CACNA1C: variants seen among roughly 807,000 people sequenced by gnomAD.
CACNA1C encodes the protein voltage-dependent L-type calcium channel subunit alpha-1C.
CACNA1C carries 30 observed loss-of-function variants against 229.0 expected under a neutral mutation model. The ratio of observed to expected loss-of-function variants is 0.13; its 90% CI spans 0.10 to 0.18. CACNA1C has a LOEUF of 0.18. CACNA1C is among the 10% of genes least tolerant of loss of function. The probability of loss-of-function intolerance (pLI) is 1.00; values close to 1 mark genes in which losing one functional copy is unlikely to be tolerated. For synonymous variants in CACNA1C, 1,114 were observed against 1,132.5 expected, an observed-to-expected ratio of 0.98 and a Z score of 0.33; for missense variants, 1,658 against 2,845.0, an observed-to-expected ratio of 0.58 and a Z score of 9.49.
intron 3 of CACNA1C, among the ~76,000 whole-genome samples, chr12:2,307,903 T>C (rs1392372027): frequency 1.3e-5 from 2 of 152,196 alleles, no homozygotes; most frequent in Non-Finnish European, 1.5e-5. Flanking sequence ...CTACTCTTCA[T>C]GGACTTATTT....
At chr12:2,482,698 A>T (rs1291733307) in intron 5 of CACNA1C, among the ~76,000 whole-genome samples, 1 of 152,148 alleles carries the variant, frequency 6.6e-6, no homozygotes, top group Non-Finnish European at 1.5e-5. Context: ...ACCTCTGAGG[A>T]TGGGGAATCA....
intron 3 of CACNA1C, among the ~76,000 whole-genome samples, chr12:2,183,246 C>CA (rs74801864): frequency 6.5e-4 from 95 of 146,276 alleles, no homozygotes; most frequent in South Asian, 1.5e-3. Context: ...ATTCCTGGCT[C>CA]AAAAAAAAAA....
chr12:2,213,833 A>G (rs2059296275), intron 3 of CACNA1C, among the ~76,000 whole-genome samples: 1 of 152,220 alleles, frequency 6.6e-6, no homozygotes, highest in South Asian at 2.1e-4. Context: ...CTGCTCTCGC[A>G]CTGCCCCTCC....
chr12:1,979,527 G>A (rs112374329), intron 1 of CACNA1C, among the ~76,000 whole-genome samples: 4,151 of 152,178 alleles, frequency 0.027, 95 homozygotes, highest in Middle Eastern at 0.061. Flanking sequence ...GGCCAGGCTC[G>A]TCTCGAACTC....
upstream of CACNA1C, chr12:2,049,496 T>C (rs757960101): frequency 6.6e-6 from 1 of 152,192 alleles, no homozygotes; most frequent in Non-Finnish European, 1.5e-5. Context: ...CCAAAGAAAA[T>C]ATCTGTGGTC....
At chr12:2,510,294 C>A (rs1437379434) in intron 8 of CACNA1C, among the ~76,000 whole-genome samples, 1 of 152,168 alleles carries the variant, frequency 6.6e-6, no homozygotes, top group African/African-American at 2.4e-5. Flanking sequence ...GCACTGCCAC[C>A]AGCAGATCCT....
At chr12:2,191,381 G>T (rs1434710631) in intron 3 of CACNA1C, among the ~76,000 whole-genome samples, 1 of 152,092 alleles carries the variant, frequency 6.6e-6, no homozygotes. Context: ...CCAGCGTACC[G>T]GCATCACCTG....
chr12:2,117,292 T>A (rs1468894077), intron 2 of CACNA1C, among the ~76,000 whole-genome samples: 2 of 149,668 alleles, frequency 1.3e-5, no homozygotes, highest in South Asian at 2.1e-4. Context: ...TAAATAAATA[T>A]AAATGTTTGA....
At chr12:2,471,831 C>A (rs905340731) in intron 5 of CACNA1C, among the ~76,000 whole-genome samples, 1 of 152,148 alleles carries the variant, frequency 6.6e-6, no homozygotes, top group Non-Finnish European at 1.5e-5. Flanking sequence ...CAGGCACCTG[C>A]TACCACACCT....
chr12:2,393,731 A>G (rs2098526439), intron 3 of CACNA1C, among the ~76,000 whole-genome samples: 1 of 152,180 alleles, frequency 6.6e-6, no homozygotes, highest in Non-Finnish European at 1.5e-5. Context: ...TTTTCTTACT[A>G]AGAAGGTTAT....
chr12:2,172,750 G>T (rs1028258097), intron 3 of CACNA1C, among the ~76,000 whole-genome samples: 1 of 152,114 alleles, frequency 6.6e-6, no homozygotes, highest in South Asian at 2.1e-4. Context: ...AGGAGATGAG[G>T]CACAAATAAG....
intron 7 of CACNA1C, among the ~76,000 whole-genome samples, chr12:2,497,936 T>C (rs182414119): frequency 7.3e-5 from 11 of 150,196 alleles, no homozygotes; most frequent in African/African-American, 2.7e-4. Context: ...CCACTATGTG[T>C]CTGGATGTGC....
chr12:2,023,937 G>A (rs1021144706), intron 1 of CACNA1C, among the ~76,000 whole-genome samples: 57 of 152,130 alleles, frequency 3.7e-4, no homozygotes, highest in Non-Finnish European at 3.4e-4. Flanking sequence ...GCACTGCACC[G>A]GGAGTCAGGA....
rs983526863 is a variant in CACNA1C at position 2,181,095 on chromosome 12, G to A, written c.477+60665G>A. On this transcript the variant is annotated intron_variant, in intron 3 of 46. Transcript: ENST00000399655. This position sits in a 1 kb window ranked among gnomAD's most constrained non-coding sequence, Gnocchi z 4.0. ...CAGACTCAAATGTTTTCTTCTGGGG[G>A]GTTACAGTCTGGGGAAGACCCCTGT... Among the ~76,000 whole-genome samples, 2 of 152,132 alleles carry A rather than the reference G, an allele frequency of 1.3e-5. No individual in the cohort carries two copies. The highest frequency in any genetic ancestry group is 1.3e-4 in the Admixed American group (2 of 15,276).
intron 1 of CACNA1C, among the ~76,000 whole-genome samples, chr12:2,058,114 A>G (rs1350146838): frequency 1.3e-5 from 2 of 152,220 alleles, no homozygotes; most frequent in African/African-American, 2.4e-5. Flanking sequence ...TTTCTTTTCT[A>G]TTCCTTTCTT....
intron 1 of CACNA1C, among the ~76,000 whole-genome samples, chr12:2,097,703 C>G (rs1276294408): frequency 1.3e-5 from 2 of 152,206 alleles, no homozygotes; most frequent in African/African-American, 2.4e-5. Context: ...TTGGGTTGAG[C>G]TTGCCCTGTA....
At chr12:2,194,691 C>T (rs752405780) in intron 3 of CACNA1C, among the ~76,000 whole-genome samples, 3 of 152,116 alleles carry the variant, frequency 2.0e-5, no homozygotes, top group Admixed American at 6.5e-5. Context: ...GAGCTGCTTT[C>T]CTTGTTATCA....
chr12:2,491,962 TTCTCTCTCTC>T lies in CACNA1C; in HGVS notation c.917-1202_917-1193del, dbSNP rs57394200. 5.7e-3 allele frequency among the ~76,000 whole-genome samples: 838 copies of T among 147,236 alleles called. 7 individuals are homozygous for T. Among genetic ancestry groups the T allele is most frequent in the Middle Eastern group, 0.021 (6 of 288 alleles). ...CTCTAAATGAAGAACTATAAGCAAA[TTCTCTCTCTC>T]TCTCTCTCTCTCTCTCTCTCTCTCT... On this transcript the variant is annotated intron_variant, in intron 6 of 46. Transcript: ENST00000399655.
chr12:2,643,991 G>T (rs1034055594), intron 30 of CACNA1C, among the ~76,000 whole-genome samples: 1 of 152,178 alleles, frequency 6.6e-6, no homozygotes, highest in African/African-American at 2.4e-5. Context: ...CATGGGGAGG[G>T]GGTACTGGCT....
Sources: allele counts gnomAD v4.1 joint callset (sites outside exome capture counted in the v4.1 genomes callset), GRCh38; gene constraint gnomAD v4.1.1; non-coding constraint Gnocchi (gnomAD v3.1); transcripts MANE v1.5; gene names NCBI Gene and HGNC (gene_info 2026-07-23, HGNC 2026-07-21).